The following PGBD1 variants were observed in gnomAD, a reference collection of about 807,000 sequenced individuals.
PGBD1 encodes piggyBac transposable element-derived protein 1.
Under a neutral mutation model 34.7 loss-of-function variants are expected in PGBD1, and 25 were observed. That is an observed-to-expected ratio of 0.72 (90% CI 0.52 to 1.00). The LOEUF is 1.00. Ranked by LOEUF, PGBD1 falls within the 50% of genes least tolerant of loss-of-function variation. The pLI is 0.00. For missense variants in PGBD1, 830 were observed against 959.4 expected (o/e 0.87, Z 1.78); for synonymous variants, 292 against 335.7 (o/e 0.87, Z 1.42).
chr6:28,288,394 A>G (rs1405014127), intron 4 of PGBD1, among the ~76,000 whole-genome samples: 2 of 152,216 alleles, frequency 1.3e-5, no homozygotes, highest in African/African-American at 4.8e-5. Context: ...GGGAAGTCCA[A>G]GATCATCAGC....
intron 6 of PGBD1, 109 bp downstream of exon 6, chr6:28,298,100 C>A: frequency 1.3e-6 from 1 of 770,710 alleles, no homozygotes; most frequent in Non-Finnish European, 2.2e-6. Context: ...TAAGATATGA[C>A]AACTGCCACT....
Position 28,300,883 on chromosome 6 carries a change from A to ATT in PGBD1, c.1029_1030insTT (p.Lys344LeufsTer8), listed in dbSNP as rs1762811191. 6.2e-7 allele frequency: 1 copy of ATT among 1,613,988 alleles called. No homozygotes were observed. The highest frequency in any genetic ancestry group is 1.1e-5 in the South Asian group (1 of 91,084). ...CAGGAGACATTACCCGAAAAGGGAGAAAAAAAGACAAAGCTCGAGTGAGTG... is the reference window on the plus strand; with the variant it reads ...CAGGAGACATTACCCGAAAAGGGAGATTAAAAAAGACAAAGCTCGAGTGAGTG... On this transcript the variant is annotated frameshift_variant, in exon 7 of 7. Coordinates refer to ENST00000682144, the MANE Select transcript of PGBD1 (RefSeq NM_032507.4). LOFTEE classifies it low-confidence loss of function (END_TRUNC). This position sits in a 1 kb window ranked among gnomAD's most constrained non-coding sequence, Gnocchi z 4.0.
At chr6:28,294,068 A>C (rs1762552770) in intron 4 of PGBD1, among the ~76,000 whole-genome samples, 1 of 152,248 alleles carries the variant, frequency 6.6e-6, no homozygotes, top group Admixed American at 6.5e-5. Context: ...AAGGAAATGA[A>C]AAGTGCTACT....
intron 1 of PGBD1, 49 bp from the exon 2 acceptor site, chr6:28,283,727 C>T: frequency 6.9e-7 from 1 of 1,454,894 alleles, no homozygotes; most frequent in Non-Finnish European, 9.2e-7. Flanking sequence ...TTATAATTTG[C>T]ATGTTGCTGA....
chr6:28,285,485 A>AGT, intron 2 of PGBD1, 66 bp from the exon 3 acceptor site: 1 of 1,495,292 alleles, frequency 6.7e-7, no homozygotes. Context: ...CATGTAGAAC[A>AGT]GTGCCAGGCT....
chr6:28,296,682 A>G (rs1221001623), intron 4 of PGBD1, 134 bp from the exon 5 acceptor site: 11 of 947,220 alleles, frequency 1.2e-5, no homozygotes, highest in South Asian at 1.6e-5. Flanking sequence ...ATAACCAGAA[A>G]GGTTCCCACA....
chr6:28,301,156 A>C lies in PGBD1; in HGVS notation c.1302A>C (p.Leu434Phe). 3 of 1,614,216 alleles carry C rather than the reference A, an allele frequency of 1.9e-6. No individual in the cohort carries two copies. The highest frequency in any genetic ancestry group is 1.7e-6 in the Non-Finnish European group (2 of 1,180,030). ...ELFFDDETFN[L>F]IVNETNNYAS... ...TTTTTGATGATGAAACATTCAACTT[A>C]ATTGTCAATGAAACCAATAATTATG... The change falls in exon 7 of 7, where the codon TTA (leucine) becomes TTC (phenylalanine). Residue 434 changes from leucine (L) to phenylalanine (F), a missense_variant. Transcript: ENST00000682144.
intron 4 of PGBD1, among the ~76,000 whole-genome samples, chr6:28,288,707 T>C (rs940012020): frequency 5.5e-4 from 84 of 151,668 alleles, no homozygotes; most frequent in African/African-American, 2.0e-3. Context: ...AAAAAAAGAA[T>C]AGGCCAGGCG....
chr6:28,281,613 A>ACCCGCCAGC lies in PGBD1; in HGVS notation c.-341_-333dup, dbSNP rs1348569652. 1 of 381,250 alleles carries ACCCGCCAGC rather than the reference A, an allele frequency of 2.6e-6. No individual in the cohort carries two copies. The highest frequency in any genetic ancestry group is 2.1e-5 in the African/African-American group (1 of 47,622). 23.6% of individuals were successfully genotyped at this position (381,250 alleles called of 1,614,324 possible). Reference sequence around the variant, plus strand: ...TGGAGGCGCCGGCAGCGCCCGCCAGACCCGCCAGCCCAGCGGCCCGGGCTC... The same window carrying ACCCGCCAGC: ...TGGAGGCGCCGGCAGCGCCCGCCAGACCCGCCAGCCCCGCCAGCCCAGCGGCCCGGGCTC... On this transcript the variant is annotated 5_prime_UTR_variant, in exon 1 of 7. Coordinates refer to ENST00000682144, the MANE Select transcript of PGBD1 (RefSeq NM_032507.4).
At position 28,302,475 on chromosome 6, in the gene PGBD1, A is replaced by T; in HGVS notation, c.*191A>T. On this transcript the variant is annotated 3_prime_UTR_variant, in exon 7 of 7. Coordinates refer to ENST00000682144, the MANE Select transcript of PGBD1 (RefSeq NM_032507.4). ...AGTAATGTTAAAAATTGTCTGTGAG[A>T]ATGTTGAACTGTAGTACCTTTCTCT... 1 of 612,570 alleles carries T rather than the reference A, an allele frequency of 1.6e-6. No homozygotes were observed. The highest frequency in any genetic ancestry group is 3.5e-5 in the Admixed American group (1 of 28,444). 37.9% of individuals were successfully genotyped at this position (612,570 alleles called of 1,614,324 possible). A position where few individuals can be genotyped will look rare whatever the true frequency, so the allele number is the denominator to read the frequency against.
chr6:28,285,737 G>T (rs199549455), intron 3 of PGBD1, 30 bp downstream of exon 3: 2 of 1,597,162 alleles, frequency 1.3e-6, no homozygotes, highest in East Asian at 4.5e-5. Flanking sequence ...TAGTGAGGAC[G>T]CTGGGAGCTG....
chr6:28,298,932 A>C (rs1235299468), intron 6 of PGBD1, among the ~76,000 whole-genome samples: 3 of 152,084 alleles, frequency 2.0e-5, no homozygotes, highest in African/African-American at 7.2e-5. Context: ...AAGGTGGGCT[A>C]CTTGGCCAAA....
chr6:28,296,767 C>G (rs1317853584), intron 4 of PGBD1, 49 bp from the exon 5 acceptor site: 1 of 1,605,636 alleles, frequency 6.2e-7, no homozygotes, highest in South Asian at 1.1e-5. Context: ...CAACTGGATT[C>G]CTTACCATGT....
At position 28,287,886 on chromosome 6, in the gene PGBD1, C is replaced by T. The variant is rs186997138; in HGVS notation, c.642+718C>T. Among the ~76,000 whole-genome samples, 102 of 152,202 alleles carry T rather than the reference C, an allele frequency of 6.7e-4. 1 individual carries two copies. Among genetic ancestry groups the T allele is most frequent in the Non-Finnish European group, 1.6e-4 (11 of 68,004 alleles). ...AAAATAAAACCTACTCATGCACATT[C>T]TGAAAATCAACATAATTCCCTTAAA... On this transcript the variant is annotated intron_variant, in intron 4 of 6. Transcript: ENST00000682144.
Position 28,301,451 on chromosome 6 carries a change from T to G in PGBD1, c.1597T>G (p.Phe533Val), listed in dbSNP as rs756764045. Residue 533 changes from phenylalanine (F) to valine (V), a missense_variant, in exon 7 of 7, where the codon TTC becomes GTC. By Grantham distance (50) the Phe-to-Val change is conservative. This residue lies in a region of PGBD1 where 372 missense variants were observed against 427.9 expected (regional missense o/e 0.87). Coordinates refer to ENST00000682144, the MANE Select transcript of PGBD1 (RefSeq NM_032507.4). ...TCTCATAAAACAAATGAATAAAAAT[T>G]TCCTCTTGTATGCTCCCCTGGAAGA... ...RPLIKQMNKN[F>V]LLYAPLEEYY... 1.1e-5 allele frequency: 18 copies of G among 1,613,832 alleles called. No individual in the cohort carries two copies. The highest frequency in any genetic ancestry group is 1.5e-5 in the Non-Finnish European group (18 of 1,180,022).
In PGBD1 at chr6:28,299,941, C is replaced by A. The variant is rs1304210563; in HGVS notation, c.870-783C>A. 4.0e-5 allele frequency among the ~76,000 whole-genome samples: 6 copies of A among 149,374 alleles called. 1 individual carries two copies. In the Admixed American group the frequency reaches 4.0e-4, roughly 10 times the overall value. ...GCTTGAACCTGGGAGGCAGAGGTGG[C>A]AGTGAGCTGAAATCATGCCACTGCA... On this transcript the variant is annotated intron_variant, in intron 6 of 6. Transcript: ENST00000682144.
Position 28,281,599 on chromosome 6 carries a change from G to A in PGBD1, c.-358G>A. 1 of 384,806 alleles carries A rather than the reference G, an allele frequency of 2.6e-6. No individual in the cohort carries two copies. The highest frequency in any genetic ancestry group is 4.6e-6 in the Non-Finnish European group (1 of 217,880). The allele number at this position is 384,806 out of a possible 1,614,324, so 23.8% of individuals were successfully genotyped here. A position where few individuals can be genotyped will look rare whatever the true frequency, so the allele number is the denominator to read the frequency against. Reference sequence around the variant, plus strand: ...ACCCGCCCAGCTGCTGGAGGCGCCGGCAGCGCCCGCCAGACCCGCCAGCCC... The same window carrying A: ...ACCCGCCCAGCTGCTGGAGGCGCCGACAGCGCCCGCCAGACCCGCCAGCCC... On this transcript the variant is annotated 5_prime_UTR_variant, in exon 1 of 7. Coordinates refer to ENST00000682144, the MANE Select transcript of PGBD1 (RefSeq NM_032507.4).
In PGBD1 at chr6:28,283,939, T is replaced by A. The variant is rs1150723; in HGVS notation, c.126T>A (p.Ile42=). The A allele has an allele frequency of 0.012, 19,196 of 1,614,108 alleles. 677 individuals are homozygous for A. Among genetic ancestry groups the A allele is most frequent in the African/African-American group, 0.1 (7,816 of 75,012 alleles). ...SQEGSSHTQE[I]CRLRFRHFCY... The stretch of plus-strand genomic sequence containing the variant: ...AGGGCAGCTCCCACACTCAGGAGAT[T>A]TGCCGCCTGCGCTTTCGGCACTTCT... Residue 42 remains isoleucine (I), a synonymous_variant, in exon 2 of 7, where the codon ATT becomes ATA. Transcript: ENST00000682144.
rs11756103 is a variant in PGBD1, at chr6:28,301,544, A to G, written c.1690A>G (p.Ile564Val). 2.7e-4 allele frequency: 443 copies of G among 1,614,186 alleles called. No individual in the cohort carries two copies. The highest frequency in any genetic ancestry group is 2.5e-3 in the African/African-American group (187 of 75,078). ...DSDQFLNGKP[I>V]RIGYKIWCGT... is the part of the protein sequence containing the mutation. ...TGACCAATTCCTGAATGGAAAGCCTATTAGAATTGGCTATAAAATTTGGTG... is the reference window on the plus strand; with the variant it reads ...TGACCAATTCCTGAATGGAAAGCCTGTTAGAATTGGCTATAAAATTTGGTG... Residue 564 changes from isoleucine to valine, a missense_variant, in exon 7 of 7, where the codon ATT becomes GTT. Transcript: ENST00000682144.
Sources: allele counts gnomAD v4.1 joint callset (sites outside exome capture counted in the v4.1 genomes callset), GRCh38; gene constraint gnomAD v4.1.1; regional missense constraint gnomAD v4.1.1; non-coding constraint Gnocchi (gnomAD v3.1); transcripts MANE v1.5; gene names NCBI Gene and HGNC (gene_info 2026-07-23, HGNC 2026-07-21).